Variants in DPP9 observed in about 807,000 individuals in gnomAD.
DPP9 encodes dipeptidyl peptidase 9.
Under a neutral mutation model 110.7 loss-of-function variants are expected in DPP9, and 50 were observed. That is an observed-to-expected ratio of 0.45 (90% CI 0.36 to 0.57). The LOEUF (loss-of-function observed/expected upper bound fraction) is 0.57, where lower values mean the gene tolerates loss of function less well. Ranked by LOEUF, DPP9 falls within the 20% of genes least tolerant of loss-of-function variation. The probability of loss-of-function intolerance (pLI) is 0.00; values close to 1 mark genes in which losing one functional copy is unlikely to be tolerated. For synonymous variants in DPP9, 561 were observed against 514.4 expected, an observed-to-expected ratio of 1.09 and a Z score of -1.23; for missense variants, 1,022 against 1,217.9, an observed-to-expected ratio of 0.84 and a Z score of 2.39.
chr19:4,712,572 A>G (rs1568330664), intron 4 of DPP9, among the ~76,000 whole-genome samples: 1 of 152,108 alleles, frequency 6.6e-6, no homozygotes, highest in Non-Finnish European at 1.5e-5. Context: ...ATGAAAAATA[A>G]AAGGAAGACA....
intron 21 of DPP9, chr19:4,679,600 G>A: frequency 1.8e-6 from 1 of 540,892 alleles, no homozygotes; most frequent in East Asian, 3.2e-5. Flanking sequence ...CCCCGATCCC[G>A]TGCTTCCAGC....
At position 4,681,270 on chromosome 19, in the gene DPP9, C is replaced by T. The variant is rs185667059; in HGVS notation, c.2475-1324G>A. On this transcript the variant is annotated intron_variant, in intron 20 of 21. Coordinates refer to ENST00000262960, the MANE Select transcript of DPP9 (RefSeq NM_139159.5). ...GGTTCTGGAACCACTGCAAATGCAC[C>T]GAGGGCTGCTTTAAGGTGACTGTTA... 4.9e-4 allele frequency among the ~76,000 whole-genome samples: 75 copies of T among 152,220 alleles called. 1 individual carries two copies. Among genetic ancestry groups the T allele is most frequent in the Non-Finnish European group, 8.8e-4 (60 of 68,018 alleles).
intron 4 of DPP9, among the ~76,000 whole-genome samples, chr19:4,708,018 C>A (rs144752697): frequency 6.6e-6 from 1 of 152,260 alleles, no homozygotes; most frequent in African/African-American, 2.4e-5. Flanking sequence ...ATTTTTATTT[C>A]TTGTTACAGG....
intron 13 of DPP9, 82 bp from the exon 14 acceptor site, chr19:4,691,039 G>C: frequency 9.4e-7 from 1 of 1,061,304 alleles, no homozygotes; most frequent in Non-Finnish European, 1.4e-6. Flanking sequence ...AATTCCACCC[G>C]AGCAGACTCA....
At chr19:4,702,822 G>C in intron 7 of DPP9, 106 bp from the exon 8 acceptor site, 1 of 244,726 alleles carries the variant, frequency 4.1e-6, no homozygotes, top group South Asian at 5.2e-5. Context: ...GAGAAGGAGG[G>C]AAGGAAAGGG....
At chr19:4,680,304 C>T (rs2089658095) in intron 20 of DPP9, among the ~76,000 whole-genome samples, 1 of 150,916 alleles carries the variant, frequency 6.6e-6, no homozygotes. Context: ...ACTGTGCAGG[C>T]TGAGGCGGGA....
chr19:4,676,508 C>A lies in DPP9; in HGVS notation c.*56G>T, dbSNP rs984430263. The A allele has an allele frequency of 7.5e-6, 11 of 1,466,744 alleles. No individual in the cohort carries two copies. Among genetic ancestry groups the A allele is most frequent in the Non-Finnish European group, 1.0e-5 (11 of 1,068,888 alleles). The allele number at this position is 1,466,744 out of a possible 1,614,324, so 90.9% of individuals were successfully genotyped here. On this transcript the variant is annotated 3_prime_UTR_variant, in exon 22 of 22. Coordinates refer to ENST00000262960, the MANE Select transcript of DPP9 (RefSeq NM_139159.5). The surrounding 1 kb of genome is among the most constrained non-coding windows in gnomAD (Gnocchi z 4.0). Reference sequence around the variant, plus strand: ...GCCACTCAGTCCCTCCCGCCTGGTTCCCCGCGGAGGCTGCAGCCACTTGTG... The same window carrying A: ...GCCACTCAGTCCCTCCCGCCTGGTTACCCGCGGAGGCTGCAGCCACTTGTG...
intron 4 of DPP9, among the ~76,000 whole-genome samples, chr19:4,712,019 A>G (rs780008573): frequency 1.3e-5 from 2 of 152,078 alleles, no homozygotes; most frequent in African/African-American, 4.8e-5. Context: ...AGAAGTGTGA[A>G]TAATTTTCAC....
At chr19:4,717,939 A>T (rs2093154973) in intron 3 of DPP9, 1 of 152,320 alleles carries the variant, frequency 6.6e-6, no homozygotes, top group South Asian at 2.1e-4. Context: ...GATGGATTCC[A>T]GGCCACTTAC....
rs189868345 is a variant in DPP9 at position 4,698,803 on chromosome 19, T to A, written c.1075-1152A>T. ...CCCCAGCCTGGAAGGAGGTTTCACGTGCATCACTGGCAAAGCCACTCAGAC... is the reference window on the plus strand; with the variant it reads ...CCCCAGCCTGGAAGGAGGTTTCACGAGCATCACTGGCAAAGCCACTCAGAC... On this transcript the variant is annotated intron_variant, in intron 10 of 21. Coordinates refer to ENST00000262960, the MANE Select transcript of DPP9 (RefSeq NM_139159.5). This position sits in a 1 kb window ranked among gnomAD's most constrained non-coding sequence, Gnocchi z 4.2. 6.6e-6 allele frequency among the ~76,000 whole-genome samples: 1 copy of A among 152,148 alleles called. No individual in the cohort carries two copies. Among genetic ancestry groups the A allele is most frequent in the East Asian group, 1.9e-4 (1 of 5,162 alleles).
rs2092764843 is a variant in DPP9 at position 4,710,175 on chromosome 19, C to T, written c.313+3906G>A. ...CCCACCCATGCCCCGGTGACCCAGG[C>T]CTGCGCAAACACCATTTCCCGTCAC... On this transcript the variant is annotated intron_variant, in intron 4 of 21. Transcript: ENST00000262960. This position sits in a 1 kb window ranked among gnomAD's most constrained non-coding sequence, Gnocchi z 5.6. Among the ~76,000 whole-genome samples the T allele has an allele frequency of 6.6e-6, 1 of 152,240 alleles. No homozygotes were observed.
rs780601488 is a variant in DPP9, at chr19:4,697,624, C to T, written c.1102G>A (p.Val368Met). ...GGGAACAGCGAGCTGAAGGGCTGCA[C>T]CAGCTCCTTCTCCTGGGTCGAGACG... ...KIVSTQEKEL[V>M]QPFSSLFPKV... Residue 368 changes from valine to methionine, a missense_variant, in exon 11 of 22, where the codon GTG becomes ATG. This residue lies in a region of DPP9 where 810 missense variants were observed against 920.6 expected (regional missense o/e 0.88). Transcript: ENST00000262960. 2 of 1,613,886 alleles carry T rather than the reference C, an allele frequency of 1.2e-6. No individual in the cohort carries two copies. Among genetic ancestry groups the T allele is most frequent in the Non-Finnish European group, 1.7e-6 (2 of 1,179,848 alleles).
At position 4,689,986 on chromosome 19, in the gene DPP9, C is replaced by T. The variant is rs561930580; in HGVS notation, c.1597-264G>A. Among the ~76,000 whole-genome samples the T allele has an allele frequency of 1.3e-5, 2 of 152,346 alleles. No homozygotes were observed. Among genetic ancestry groups the T allele is most frequent in the East Asian group, 3.9e-4 (2 of 5,180 alleles). On this transcript the variant is annotated intron_variant, in intron 14 of 21. Coordinates refer to ENST00000262960, the MANE Select transcript of DPP9 (RefSeq NM_139159.5). This position sits in a 1 kb window ranked among gnomAD's most constrained non-coding sequence, Gnocchi z 7.0. ...GGGCCTGCATTCCACCCCCAGACAG[C>T]TCTTTCCTAGCTTGAATTGGGAGGG...
intron 3 of DPP9, among the ~76,000 whole-genome samples, chr19:4,717,435 C>T (rs73543654): frequency 0.04 from 6,083 of 152,172 alleles, 399 homozygotes; most frequent in African/African-American, 0.14. Flanking sequence ...CTCCTCTGAG[C>T]GGCCTAAGCA....
chr19:4,699,592 G>A (rs1048727980), intron 10 of DPP9, among the ~76,000 whole-genome samples: 4 of 152,134 alleles, frequency 2.6e-5, no homozygotes, highest in African/African-American at 4.8e-5. Context: ...GCTGGTGACC[G>A]CCTTGCTGCG....
Position 4,681,192 on chromosome 19 carries a change from A to G in DPP9, c.2475-1246T>C, listed in dbSNP as rs1195644416. 1.4e-4 allele frequency among the ~76,000 whole-genome samples: 21 copies of G among 152,316 alleles called. No individual in the cohort carries two copies. The East Asian group carries it at 3.5e-3, about 25-fold the overall frequency. On this transcript the variant is annotated intron_variant, in intron 20 of 21. Coordinates refer to ENST00000262960, the MANE Select transcript of DPP9 (RefSeq NM_139159.5). ...CACAGATCGGTGGCTGCCCCGGGAC[A>G]GGGAGTGACTGCTAAGGAATGGGAA...
chr19:4,688,497 G>T, intron 16 of DPP9: 1 of 397,628 alleles, frequency 2.5e-6, no homozygotes. Flanking sequence ...TTGGCAGGGG[G>T]TTGGCACGGA....
chr19:4,708,397 A>G (rs889424986), intron 4 of DPP9, among the ~76,000 whole-genome samples: 1 of 152,194 alleles, frequency 6.6e-6, no homozygotes, highest in Non-Finnish European at 1.5e-5. Context: ...AATCCCAACC[A>G]GCCCCATCTG....
Position 4,695,333 on chromosome 19 carries a change from C to T in DPP9, c.1353+45G>A, listed in dbSNP as rs2091703470. 6 of 1,515,582 alleles carry T rather than the reference C, an allele frequency of 4.0e-6. No individual in the cohort carries two copies. Among genetic ancestry groups the T allele is most frequent in the Non-Finnish European group, 5.3e-6 (6 of 1,130,190 alleles). 93.9% of individuals were successfully genotyped at this position (1,515,582 alleles called of 1,614,324 possible). A position where few individuals can be genotyped will look rare whatever the true frequency, so the allele number is the denominator to read the frequency against. On this transcript the variant is annotated intron_variant, in intron 12 of 21. Transcript: ENST00000262960. This position sits in a 1 kb window ranked among gnomAD's most constrained non-coding sequence, Gnocchi z 4.7. The stretch of plus-strand genomic sequence containing the variant: ...GGACGTGGGGGTGGGGACAGTGTGA[C>T]TCCAGGGCCCAGGCGGGCATACAGC...
Sources: gnomAD v4.1 joint callset for allele counts (sites outside exome capture counted in the v4.1 genomes callset) on GRCh38, gnomAD v4.1.1 for gene constraint, gnomAD v4.1.1 regional missense constraint, Gnocchi (gnomAD v3.1) non-coding constraint, MANE v1.5 for transcripts, NCBI Gene and HGNC (gene_info 2026-07-23, HGNC 2026-07-21) for gene names.